AGMO: variants seen among roughly 807,000 people sequenced by gnomAD.
AGMO encodes the protein alkylglycerol monooxygenase.
Under a neutral mutation model 60.2 loss-of-function variants are expected in AGMO, and 75 were observed. The observed-to-expected ratio is 1.25, with a 90% confidence interval of 1.03 to 1.51. AGMO has a LOEUF of 1.51. Ranked by LOEUF, AGMO falls within the 40% of genes most tolerant of loss-of-function variation. AGMO has a pLI of 0.00. For synonymous variants in AGMO, 261 were observed against 177.1 expected, an observed-to-expected ratio of 1.47 and a Z score of -3.76; for missense variants, 763 against 525.5, an observed-to-expected ratio of 1.45 and a Z score of -4.42.
At chr7:15,302,104 G>GT (rs1236319711) in intron 12 of AGMO, among the ~76,000 whole-genome samples, 1 of 151,970 alleles carries the variant, frequency 6.6e-6, no homozygotes, top group Non-Finnish European at 1.5e-5. Context: ...CTAGCATTTT[G>GT]TTTTATAATA....
At chr7:15,314,653 A>T (rs1019253896) in intron 12 of AGMO, among the ~76,000 whole-genome samples, 1 of 152,190 alleles carries the variant, frequency 6.6e-6, no homozygotes, top group Non-Finnish European at 1.5e-5. Flanking sequence ...AAAATATATA[A>T]AATAATAGTG....
chr7:15,242,417 T>A (rs2128503416), intron 12 of AGMO, among the ~76,000 whole-genome samples: 1 of 152,282 alleles, frequency 6.6e-6, no homozygotes, highest in East Asian at 1.9e-4. Flanking sequence ...ATTGGGCTTA[T>A]TTTTTAACCA....
chr7:15,127,774 T>A, the AGMO span, among the ~76,000 whole-genome samples: 1 of 152,160 alleles, frequency 6.6e-6, no homozygotes, highest in Admixed American at 6.6e-5. Context: ...CATTGTTCTA[T>A]AAAGGCTTTT....
intron 3 of AGMO, among the ~76,000 whole-genome samples, chr7:15,524,873 A>AG (rs1404115291): frequency 5.3e-5 from 8 of 151,658 alleles, no homozygotes; most frequent in South Asian, 4.2e-4. Context: ...AAAAAAAAAA[A>AG]AAAGAAAGAA....
intron 3 of AGMO, among the ~76,000 whole-genome samples, chr7:15,435,595 T>G (rs1489938776): frequency 6.6e-6 from 1 of 152,198 alleles, no homozygotes; most frequent in Non-Finnish European, 1.5e-5. Context: ...GAGACATCTT[T>G]GTATCTTCTG....
intron 3 of AGMO, among the ~76,000 whole-genome samples, chr7:15,544,364 T>C (rs60666963): frequency 0.034 from 5,170 of 152,144 alleles, 272 homozygotes; most frequent in African/African-American, 0.12. Context: ...CAAAAACCTA[T>C]TGCAATAAAA....
intron 3 of AGMO, among the ~76,000 whole-genome samples, chr7:15,446,386 C>A (rs150925406): frequency 1.1e-3 from 173 of 152,176 alleles, no homozygotes; most frequent in African/African-American, 4.0e-3. Flanking sequence ...TTAAAAATAT[C>A]AATAAATGAC....
chr7:15,260,464 A>T (rs954662458), intron 12 of AGMO, among the ~76,000 whole-genome samples: 13 of 152,136 alleles, frequency 8.5e-5, no homozygotes, highest in African/African-American at 3.1e-4. Flanking sequence ...ACAGGAAAAT[A>T]TCACAATTCT....
At chr7:15,432,369 C>CACATATATATAT (rs141888494) in intron 3 of AGMO, among the ~76,000 whole-genome samples, 10 of 50,688 alleles carry the variant, frequency 2.0e-4, no homozygotes, top group South Asian at 7.6e-4. Flanking sequence ...TATACACACA[C>CACATATATATAT]ATATATATAT....
intron 3 of AGMO, among the ~76,000 whole-genome samples, chr7:15,448,480 G>T (rs77554208): frequency 0.027 from 4,130 of 152,230 alleles, 74 homozygotes; most frequent in Middle Eastern, 0.041. Flanking sequence ...AAGCCACTTG[G>T]TTTATGGAAT....
In AGMO at chr7:15,329,880, G is replaced by C. The variant is rs563118729; in HGVS notation, c.1263+35634C>G. Among the ~76,000 whole-genome samples the C allele has an allele frequency of 2.6e-5, 4 of 152,276 alleles. No individual in the cohort carries two copies. The South Asian group carries it at 8.3e-4, about 32-fold the overall frequency. ...CTTACTTTGTTGGGTTTGGTAGAGG[G>C]TTGAGCTGCGGGTCTCTAAAGTTAA... On this transcript the variant is annotated intron_variant, in intron 12 of 12. Transcript: ENST00000342526.
the AGMO span, among the ~76,000 whole-genome samples, chr7:15,127,407 T>G: frequency 6.6e-6 from 1 of 152,132 alleles, no homozygotes; most frequent in Non-Finnish European, 1.5e-5. Flanking sequence ...CCTTAGAACT[T>G]AACGAGTAAT....
chr7:15,364,803 T>G (rs188139079), intron 12 of AGMO, among the ~76,000 whole-genome samples: 1 of 152,224 alleles, frequency 6.6e-6, no homozygotes, highest in East Asian at 1.9e-4. Context: ...AGTATTTATG[T>G]TTAATGCTTA....
chr7:15,122,627 C>G, the AGMO span, among the ~76,000 whole-genome samples: 2 of 152,088 alleles, frequency 1.3e-5, no homozygotes, highest in Non-Finnish European at 2.9e-5. Flanking sequence ...TCTACCCTTT[C>G]GCTTGCTCAA....
intron 12 of AGMO, among the ~76,000 whole-genome samples, chr7:15,218,632 A>G (rs1034343783): frequency 2.0e-5 from 3 of 152,100 alleles, no homozygotes; most frequent in African/African-American, 7.2e-5. Context: ...GTATTTTTGA[A>G]AAAATATATA....
At chr7:15,245,014 T>A (rs990551560) in intron 12 of AGMO, among the ~76,000 whole-genome samples, 1 of 152,076 alleles carries the variant, frequency 6.6e-6, no homozygotes, top group South Asian at 2.1e-4. Flanking sequence ...TTGGAAAAAA[T>A]ACATATCTCA....
At chr7:15,351,995 CTTG>C (rs776742119) in intron 12 of AGMO, among the ~76,000 whole-genome samples, 65 of 152,272 alleles carry the variant, frequency 4.3e-4, no homozygotes, top group East Asian at 9.6e-4. Context: ...AAATAAATAG[CTTG>C]TTAATTCACA....
intron 2 of AGMO, among the ~76,000 whole-genome samples, chr7:15,548,110 C>A (rs1184439176): frequency 6.6e-6 from 1 of 152,016 alleles, no homozygotes; most frequent in Non-Finnish European, 1.5e-5. Flanking sequence ...ACGGTCATGT[C>A]TGTTAGAAGG....
At chr7:15,218,816 T>G (rs916383366) in intron 12 of AGMO, among the ~76,000 whole-genome samples, 2 of 152,038 alleles carry the variant, frequency 1.3e-5, no homozygotes, top group African/African-American at 2.4e-5. Flanking sequence ...ACAATCAACC[T>G]TTTGGTAGAA....
Sources: allele counts gnomAD v4.1 joint callset (sites outside exome capture counted in the v4.1 genomes callset), GRCh38; gene constraint gnomAD v4.1.1; transcripts MANE v1.5; gene names NCBI Gene and HGNC (gene_info 2026-07-23, HGNC 2026-07-21).